The following MX2 variants were observed in gnomAD, a reference collection of about 807,000 sequenced individuals.
The protein encoded by MX2 is interferon-induced GTP-binding protein Mx2.
MX2 carries 51 observed loss-of-function variants against 74.0 expected under a neutral mutation model. That is an observed-to-expected ratio of 0.69 (90% CI 0.55 to 0.87). The LOEUF (loss-of-function observed/expected upper bound fraction) is 0.87, where lower values mean the gene tolerates loss of function less well. MX2 is among the 40% of genes least tolerant of loss of function. The probability of loss-of-function intolerance (pLI) is 0.00; values close to 1 mark genes in which losing one functional copy is unlikely to be tolerated. For synonymous variants in MX2, 369 were observed against 339.3 expected, an observed-to-expected ratio of 1.09 and a Z score of -0.96; for missense variants, 832 against 908.7, an observed-to-expected ratio of 0.92 and a Z score of 1.09.
chr21:41,386,219 C>CAAAAAAAAA (rs59005802), intron 5 of MX2, among the ~76,000 whole-genome samples: 14 of 32,018 alleles, frequency 4.4e-4, no homozygotes, highest in Non-Finnish European at 6.4e-4. Flanking sequence ...TACTCCATCT[C>CAAAAAAAAA]AAAAAAAAAA....
intron 1 of MX2, among the ~76,000 whole-genome samples, chr21:41,374,621 T>C (rs530335200): frequency 6.6e-6 from 1 of 152,324 alleles, no homozygotes; most frequent in East Asian, 1.9e-4. Flanking sequence ...GATGGGAGGT[T>C]GCCCCAGGGG....
intron 10 of MX2, 126 bp downstream of exon 10, chr21:41,399,463 A>G: frequency 1.9e-6 from 2 of 1,045,242 alleles, no homozygotes; most frequent in Non-Finnish European, 2.8e-6. Flanking sequence ...ACCCTTGGTA[A>G]TCAGCAACTG....
chr21:41,372,733 G>A (rs997833274), intron 1 of MX2, among the ~76,000 whole-genome samples: 1 of 152,136 alleles, frequency 6.6e-6, no homozygotes, highest in African/African-American at 2.4e-5. Flanking sequence ...CAAATCATAA[G>A]CAGCTCCAAA....
intron 1 of MX2, among the ~76,000 whole-genome samples, chr21:41,370,975 C>T (rs921776836): frequency 1.3e-5 from 2 of 152,152 alleles, no homozygotes; most frequent in African/African-American, 4.8e-5. Context: ...TCCAAATGGA[C>T]TGCTGAGTCA....
chr21:41,377,153 A>C lies in MX2; in HGVS notation c.247A>C (p.Met83Leu). The C allele has an allele frequency of 6.2e-7, 1 of 1,614,092 alleles. No homozygotes were observed. Among genetic ancestry groups the C allele is most frequent in the Non-Finnish European group, 8.5e-7 (1 of 1,179,972 alleles). The change falls in exon 2 of 14, where the codon ATG (methionine) becomes CTG (leucine). Residue 83 changes from methionine (M) to leucine (L), a missense_variant and splice_region_variant. Transcript: ENST00000330714. ...AGGAAACAGGAGCCAACCAAGGGCA[A>C]TGGTAAGCCCGGTGGAGGGACGTTC... is the stretch of plus-strand genomic sequence containing the variant. ...PPGNRSQPRA[M>L]GPENNLYSQY...
chr21:41,395,263 AT>A (rs35031385), intron 6 of MX2, among the ~76,000 whole-genome samples: 125,984 of 151,890 alleles, frequency 0.83, 53,241 homozygotes, highest in East Asian at 0.97. Context: ...GGAACAAGGC[AT>A]TTCTTGGAAA....
intron 10 of MX2, among the ~76,000 whole-genome samples, chr21:41,399,932 A>G (rs1298373532): frequency 6.6e-6 from 1 of 152,190 alleles, no homozygotes; most frequent in Non-Finnish European, 1.5e-5. Context: ...AGAGCAGCCC[A>G]GGGTACCTCA....
At chr21:41,407,366 T>G (rs2089900952) in intron 13 of MX2, among the ~76,000 whole-genome samples, 1 of 152,198 alleles carries the variant, frequency 6.6e-6, no homozygotes, top group African/African-American at 2.4e-5. Context: ...CTAGCTTTCC[T>G]TGGTGTTCAG....
intron 7 of MX2, among the ~76,000 whole-genome samples, chr21:41,396,770 ACT>A (rs2089742249): frequency 1.3e-5 from 2 of 151,866 alleles, no homozygotes; most frequent in Non-Finnish European, 2.9e-5. Context: ...GGAGAAGAAA[ACT>A]CTCCTCCTTG....
intron 12 of MX2, 119 bp downstream of exon 12, chr21:41,403,462 G>A (rs889517218): frequency 9.5e-6 from 9 of 945,316 alleles, no homozygotes; most frequent in Non-Finnish European, 1.4e-5. Flanking sequence ...GCAGGCTGGC[G>A]AGGCTGGCAG....
rs1378689999 is a variant in MX2, at chr21:41,388,214, C to A, written c.733-2351C>A. Among the ~76,000 whole-genome samples, 2 of 152,214 alleles carry A rather than the reference C, an allele frequency of 1.3e-5. No individual in the cohort carries two copies. The highest frequency in any genetic ancestry group is 1.3e-4 in the Admixed American group (2 of 15,280). ...ATCCTTAAAGTTCCCCAGCGGCTCC[C>A]ATGTCAATCAGTGTAAAATTCCAAG... is the stretch of plus-strand genomic sequence containing the variant. On this transcript the variant is annotated intron_variant, in intron 5 of 13. Coordinates refer to ENST00000330714, the MANE Select transcript of MX2 (RefSeq NM_002463.2). This position sits in a 1 kb window ranked among gnomAD's most constrained non-coding sequence, Gnocchi z 4.0.
rs1358724335 is a variant in MX2 at position 41,363,506 on chromosome 21, G to A, written c.-72+1451G>A. ...CTGCCTGACTCGATATGTATCTCAAGGACTTAGTGCTCAATATATATCTTT... is the reference window on the plus strand; with the variant it reads ...CTGCCTGACTCGATATGTATCTCAAAGACTTAGTGCTCAATATATATCTTT... On this transcript the variant is annotated intron_variant, in intron 1 of 13. Coordinates refer to ENST00000330714, the MANE Select transcript of MX2 (RefSeq NM_002463.2). This position sits in a 1 kb window ranked among gnomAD's most constrained non-coding sequence, Gnocchi z 4.2. The A allele has an allele frequency of 6.6e-6, 1 of 152,630 alleles. No individual in the cohort carries two copies. The allele number at this position is 152,630 out of a possible 1,614,324, so 9.5% of individuals were successfully genotyped here. A position where few individuals can be genotyped will look rare whatever the true frequency, so the allele number is the denominator to read the frequency against.
Position 41,402,169 on chromosome 21 carries a change from T to G in MX2, c.1573+41T>G. 1 of 1,586,198 alleles carries G rather than the reference T, an allele frequency of 6.3e-7. No individual in the cohort carries two copies. The highest frequency in any genetic ancestry group is 8.6e-7 in the Non-Finnish European group (1 of 1,166,704). On this transcript the variant is annotated intron_variant, in intron 11 of 13. Transcript: ENST00000330714. The surrounding 1 kb of genome is among the most constrained non-coding windows in gnomAD (Gnocchi z 4.5). ...CAGGACTCCCAAACCATCACTCTCATACCTTCCATAGACCCCAGTGCCTTG... is the reference window on the plus strand; with the variant it reads ...CAGGACTCCCAAACCATCACTCTCAGACCTTCCATAGACCCCAGTGCCTTG...
At chr21:41,401,880 T>C in intron 10 of MX2, 90 bp from the exon 11 acceptor site, 2 of 1,418,260 alleles carry the variant, frequency 1.4e-6, no homozygotes, top group Non-Finnish European at 1.9e-6. Context: ...CTGCGTACAG[T>C]GGGGAGCAAG....
intron 1 of MX2, among the ~76,000 whole-genome samples, chr21:41,374,491 GC>G (rs972644926): frequency 2.0e-5 from 3 of 152,230 alleles, no homozygotes; most frequent in African/African-American, 7.2e-5. Context: ...GGCCCCGACA[GC>G]AGACCCCATG....
At chr21:41,405,636 C>A (rs995746014) in intron 12 of MX2, among the ~76,000 whole-genome samples, 3 of 151,024 alleles carry the variant, frequency 2.0e-5, no homozygotes, top group African/African-American at 7.3e-5. Flanking sequence ...GCAGGGGACA[C>A]AAATGTTCAG....
chr21:41,398,762 T>C, intron 8 of MX2, 135 bp from the exon 9 acceptor site: 1 of 1,238,440 alleles, frequency 8.1e-7, no homozygotes, highest in Non-Finnish European at 1.1e-6. Context: ...CCCAGCACTT[T>C]GGGAGGCTGG....
At position 41,368,227 on chromosome 21, in the gene MX2, C is replaced by G. The variant is rs917862818; in HGVS notation, c.-72+6172C>G. On this transcript the variant is annotated intron_variant, in intron 1 of 13. Coordinates refer to ENST00000330714, the MANE Select transcript of MX2 (RefSeq NM_002463.2). This position sits in a 1 kb window ranked among gnomAD's most constrained non-coding sequence, Gnocchi z 4.6. Reference sequence around the variant, plus strand: ...TGTGCATAGCCCAAGTCCCACCTGTCCATGTGTCACCCGGCTCTTCCGTGT... The same window carrying G: ...TGTGCATAGCCCAAGTCCCACCTGTGCATGTGTCACCCGGCTCTTCCGTGT... Among the ~76,000 whole-genome samples the G allele has an allele frequency of 5.9e-5, 9 of 152,222 alleles. No homozygotes were observed. Among genetic ancestry groups the G allele is most frequent in the African/African-American group, 2.2e-4 (9 of 41,454 alleles).
At position 41,366,752 on chromosome 21, in the gene MX2, T is replaced by C. The variant is rs1418610048; in HGVS notation, c.-72+4697T>C. 2 of 152,234 alleles carry C rather than the reference T, an allele frequency of 1.3e-5. No individual in the cohort carries two copies. The highest frequency in any genetic ancestry group is 4.8e-5 in the African/African-American group (2 of 41,402). The allele number at this position is 152,234 out of a possible 1,614,324, so 9.4% of individuals were successfully genotyped here. On this transcript the variant is annotated intron_variant, in intron 1 of 13. Coordinates refer to ENST00000330714, the MANE Select transcript of MX2 (RefSeq NM_002463.2). The surrounding 1 kb of genome is among the most constrained non-coding windows in gnomAD (Gnocchi z 4.5). ...GAGTCCCTTGTTTTCCTCTATCTTA[T>C]CAGGAACCAGTTCTAGGTTCCTAAC...
Sources: allele counts gnomAD v4.1 joint callset (sites outside exome capture counted in the v4.1 genomes callset), GRCh38; gene constraint gnomAD v4.1.1; non-coding constraint Gnocchi (gnomAD v3.1); transcripts MANE v1.5; gene names NCBI Gene and HGNC (gene_info 2026-07-23, HGNC 2026-07-21).